Variants in OR9I1 observed in about 807,000 individuals in gnomAD.
OR9I1 encodes the protein olfactory receptor family 9 subfamily I member 1.
A neutral mutation model predicts 11.2 loss-of-function variants in OR9I1; 7 were observed. That is an observed-to-expected ratio of 0.62 (90% CI 0.36 to 1.17). OR9I1 has a LOEUF of 1.17. Ranked by LOEUF, OR9I1 falls within the 50% of genes most tolerant of loss-of-function variation. The pLI is 0.02. For missense variants in OR9I1, 428 were observed against 377.2 expected (o/e 1.13, Z -1.12); for synonymous variants, 165 against 153.4 (o/e 1.08, Z -0.56).
chr11:58,122,838 G>A (rs562515986), intron 2 of OR9I1, among the ~76,000 whole-genome samples: 49 of 152,072 alleles, frequency 3.2e-4, no homozygotes, highest in African/African-American at 1.1e-3. Flanking sequence ...AGAAATATAT[G>A]TATATTAAAA....
Position 58,119,370 on chromosome 11 carries a change from A to C in OR9I1, c.75T>G (p.Ile25Met). The C allele has an allele frequency of 5.0e-6, 8 of 1,613,952 alleles. No individual in the cohort carries two copies. The Middle Eastern group carries it at 5.0e-4, about 100-fold the overall frequency. The change falls in exon 3 of 3, where the codon ATT (isoleucine) becomes ATG (methionine). Residue 25 changes from isoleucine (I) to methionine (M), a missense_variant. By Grantham distance (10) the Ile-to-Met change is conservative. Coordinates refer to ENST00000641439, the MANE Select transcript of OR9I1 (RefSeq NM_001005211.2). ...AACTCAGAAACACCAGAAAGAGGGG[A>C]ATCTCCAATTTGGGGTGGTCCATAA... The part of the protein sequence containing the change: ...MGFMDHPKLE[I>M]PLFLVFLSFY...
At chr11:58,123,468 C>G (rs1854056240) in intron 2 of OR9I1, among the ~76,000 whole-genome samples, 1 of 152,118 alleles carries the variant, frequency 6.6e-6, no homozygotes, top group South Asian at 2.1e-4. Flanking sequence ...GATTAGGTGG[C>G]AGATTGTTGG....
chr11:58,119,414 CG>C lies in OR9I1; in HGVS notation c.30del (p.Glu11AsnfsTer22), dbSNP rs1565081652. The C allele has an allele frequency of 6.2e-7, 1 of 1,611,860 alleles. No individual in the cohort carries two copies. Among genetic ancestry groups the C allele is most frequent in the Non-Finnish European group, 8.5e-7 (1 of 1,178,632 alleles). On this transcript the variant is annotated frameshift_variant, in exon 3 of 3. Coordinates refer to ENST00000641439, the MANE Select transcript of OR9I1 (RefSeq NM_001005211.2). LOFTEE classifies it high-confidence loss of function. MAKNNLTRV[T>X]EFILMGFMDH... ...TCCATAAAGCCCATGAGAATGAATT[CG>C]GTTACTCTGGTGAGATTATTCTTGG...
intron 1 of OR9I1, 42 bp downstream of exon 1, chr11:58,125,232 A>ACCCCC (rs202052034): frequency 1.7e-5 from 1 of 58,486 alleles, no homozygotes; most frequent in Admixed American, 2.0e-4. Context: ...TTCCCCCCTT[A>ACCCCC]CCCACCGCCC....
intron 2 of OR9I1, among the ~76,000 whole-genome samples, chr11:58,121,682 T>G (rs551520600): frequency 8.5e-5 from 13 of 152,336 alleles, no homozygotes; most frequent in African/African-American, 2.9e-4. Flanking sequence ...CTATGTTTGA[T>G]GAAGCCATGA....
chr11:58,121,331 A>G (rs915817065), intron 2 of OR9I1, among the ~76,000 whole-genome samples: 2 of 152,210 alleles, frequency 1.3e-5, no homozygotes, highest in African/African-American at 4.8e-5. Context: ...CAGGATACTC[A>G]TTAAAATGCC....
intron 2 of OR9I1, among the ~76,000 whole-genome samples, chr11:58,123,487 T>C (rs930442826): frequency 1.3e-5 from 2 of 152,198 alleles, no homozygotes; most frequent in African/African-American, 2.4e-5. Context: ...GGGGTGCAGA[T>C]GCAATCACAC....
At position 58,119,367 on chromosome 11, in the gene OR9I1, G is replaced by A. The variant is rs1854001127; in HGVS notation, c.78C>T (p.Pro26=). The change falls in exon 3 of 3, where the codon CCC becomes CCT. Residue 26 remains proline, a synonymous_variant. Coordinates refer to ENST00000641439, the MANE Select transcript of OR9I1 (RefSeq NM_001005211.2). The part of the protein sequence containing the change: ...GFMDHPKLEI[P]LFLVFLSFYL... ...AGAAACTCAGAAACACCAGAAAGAGGGGAATCTCCAATTTGGGGTGGTCCA... is the reference window on the plus strand; with the variant it reads ...AGAAACTCAGAAACACCAGAAAGAGAGGAATCTCCAATTTGGGGTGGTCCA... The A allele has an allele frequency of 6.2e-7, 1 of 1,613,872 alleles. No individual in the cohort carries two copies.
intron 2 of OR9I1, 141 bp from the exon 3 acceptor site, chr11:58,119,607 G>T: frequency 1.7e-6 from 1 of 585,860 alleles, no homozygotes; most frequent in South Asian, 2.3e-5. Flanking sequence ...GATTTTCCTT[G>T]GGCATCTCTT....
intron 2 of OR9I1, among the ~76,000 whole-genome samples, chr11:58,121,636 T>C (rs1385260563): frequency 6.6e-6 from 1 of 152,202 alleles, no homozygotes; most frequent in African/African-American, 2.4e-5. Flanking sequence ...CTTCCTCAGG[T>C]TGGAATCTGC....
chr11:58,118,273 C>A lies in OR9I1; in HGVS notation c.*227G>T. On this transcript the variant is annotated 3_prime_UTR_variant, in exon 3 of 3. Coordinates refer to ENST00000641439, the MANE Select transcript of OR9I1 (RefSeq NM_001005211.2). ...ACATTAGAGAATATTAAGAGACTGCCCAGTGCTAAGGAATGGATTGAAAGT... is the reference window on the plus strand; with the variant it reads ...ACATTAGAGAATATTAAGAGACTGCACAGTGCTAAGGAATGGATTGAAAGT... 2.3e-6 allele frequency: 1 copy of A among 432,622 alleles called. No homozygotes were observed. The highest frequency in any genetic ancestry group is 4.1e-6 in the Non-Finnish European group (1 of 244,180). 26.8% of individuals were successfully genotyped at this position (432,622 alleles called of 1,614,324 possible). A position where few individuals can be genotyped will look rare whatever the true frequency, so the allele number is the denominator to read the frequency against.
chr11:58,121,594 T>C (rs1854033070), intron 2 of OR9I1, among the ~76,000 whole-genome samples: 1 of 152,190 alleles, frequency 6.6e-6, no homozygotes, highest in African/African-American at 2.4e-5. Context: ...CCTTGAACCA[T>C]TTGCCTGGCC....
At position 58,119,126 on chromosome 11, in the gene OR9I1, A is replaced by G. The variant is rs750914333; in HGVS notation, c.319T>C (p.Cys107Arg). ...AGCAGAAAGCACTCTGTGCCTGCAC[A>G]GATGGTGAATAAAAAGAACTGGGCA... ...CAAQFFLFTI[C>R]AGTECFLLAV... is the part of the protein sequence containing the mutation. Residue 107 changes from cysteine to arginine, a missense_variant, in exon 3 of 3, where the codon TGT becomes CGT. Transcript: ENST00000641439. 5.6e-6 allele frequency: 9 copies of G among 1,613,914 alleles called. No homozygotes were observed.
At chr11:58,119,786 C>A (rs1312084744) in intron 2 of OR9I1, among the ~76,000 whole-genome samples, 1 of 151,856 alleles carries the variant, frequency 6.6e-6, no homozygotes, top group Non-Finnish European at 1.5e-5. Flanking sequence ...TTACCATATA[C>A]CCACCACACG....
chr11:58,117,645 T>C lies in OR9I1; in HGVS notation c.*855A>G, dbSNP rs1348387797. On this transcript the variant is annotated 3_prime_UTR_variant, in exon 3 of 3. Coordinates refer to ENST00000641439, the MANE Select transcript of OR9I1 (RefSeq NM_001005211.2). The stretch of plus-strand genomic sequence containing the variant: ...TGGGGTTCAGTTGTCTTTCTATTTA[T>C]CTGTTGGTGCTCTCTGATTTGCTCT... The C allele has an allele frequency of 6.6e-6, 1 of 152,186 alleles. No individual in the cohort carries two copies. Among genetic ancestry groups the C allele is most frequent in the Non-Finnish European group, 1.5e-5 (1 of 68,058 alleles). The allele number at this position is 152,186 out of a possible 1,614,324, so 9.4% of individuals were successfully genotyped here. A position where few individuals can be genotyped will look rare whatever the true frequency, so the allele number is the denominator to read the frequency against.
At position 58,120,774 on chromosome 11, in the gene OR9I1, G is replaced by GTAATATATT. The variant is rs1319188627; in HGVS notation, c.-22-1317_-22-1309dup. Among the ~76,000 whole-genome samples the GTAATATATT allele has an allele frequency of 2.5e-4, 35 of 142,804 alleles. No homozygotes were observed. The East Asian group carries it at 6.4e-3, about 26-fold the overall frequency. The allele number at this position is 142,804 out of a possible 152,430, so 93.7% of individuals were successfully genotyped here. The stretch of plus-strand genomic sequence containing the variant: ...ACTTTGTTAATATTGCTATCTTTGT[G>GTAATATATT]TAATATATTTGTATCTTTATTTCAA... On this transcript the variant is annotated intron_variant, in intron 2 of 2. Coordinates refer to ENST00000641439, the MANE Select transcript of OR9I1 (RefSeq NM_001005211.2).
chr11:58,118,519 TGGA>T lies in OR9I1; in HGVS notation c.923_925del (p.Leu308del). On this transcript the variant is annotated inframe_deletion, in exon 3 of 3. Coordinates refer to ENST00000641439, the MANE Select transcript of OR9I1 (RefSeq NM_001005211.2). ...TTAGATCTACATGCTCAGGGACACC[TGGA>T]GTCTCCTAGCGACCTTTCTGAAGGC... The T allele has an allele frequency of 1.9e-6, 3 of 1,604,918 alleles. No homozygotes were observed. The highest frequency in any genetic ancestry group is 2.6e-6 in the Non-Finnish European group (3 of 1,176,354).
chr11:58,117,100 G>C lies in OR9I1; in HGVS notation c.*1400C>G, dbSNP rs1853963044. On this transcript the variant is annotated 3_prime_UTR_variant, in exon 3 of 3. Transcript: ENST00000641439. The stretch of plus-strand genomic sequence containing the variant: ...TTTTGTCAGTGGCCATTAAATTCTA[G>C]CAAGGGTCCAGGGTTGACATCAGAA... 1 of 152,144 alleles carries C rather than the reference G, an allele frequency of 6.6e-6. No homozygotes were observed. Among genetic ancestry groups the C allele is most frequent in the Non-Finnish European group, 1.5e-5 (1 of 68,032 alleles). The allele number at this position is 152,144 out of a possible 1,614,324, so 9.4% of individuals were successfully genotyped here. A position where few individuals can be genotyped will look rare whatever the true frequency, so the allele number is the denominator to read the frequency against.
chr11:58,125,239 G>GT (rs1658425043), intron 1 of OR9I1, 35 bp downstream of exon 1: 2 of 85,246 alleles, frequency 2.3e-5, no homozygotes, highest in Non-Finnish European at 4.1e-5. Flanking sequence ...CTTACCCACC[G>GT]CCCCCCCCCC....
Sources: gnomAD v4.1 joint callset for allele counts (sites outside exome capture counted in the v4.1 genomes callset) on GRCh38, gnomAD v4.1.1 for gene constraint, MANE v1.5 for transcripts, NCBI Gene and HGNC (gene_info 2026-07-23, HGNC 2026-07-21) for gene names.